CRP: variants seen among roughly 807,000 people sequenced by gnomAD.
CRP encodes C-reactive protein, pentraxin-related.
In CRP, 6 loss-of-function variants were observed where a neutral mutation model predicts 3.0. That is an observed-to-expected ratio of 2.02 (90% confidence interval 1.11 to 3.99). The LOEUF (loss-of-function observed/expected upper bound fraction) is 3.99, where lower values mean the gene tolerates loss of function less well. Among genes scored for constraint, CRP ranks in the 30% most tolerant of loss-of-function variants. The pLI is 0.00. For missense variants in CRP, 297 were observed against 271.0 expected (o/e 1.10, Z -0.67); for synonymous variants, 130 against 111.0 (o/e 1.17, Z -1.08).
Position 159,713,636 on chromosome 1 carries a change from C to A in CRP, c.564G>T (p.Glu188Asp). 2.5e-6 allele frequency: 4 copies of A among 1,614,222 alleles called. No homozygotes were observed. The highest frequency in any genetic ancestry group is 3.4e-6 in the Non-Finnish European group (4 of 1,180,046). The stretch of plus-strand genomic sequence containing the variant: ...GCCCGCCAAGATAGATGGTGTTAAT[C>A]TCATCTGGTGACAGCACAAAGTCCC... ...NMWDFVLSPD[E>D]INTIYLGGPF... The change falls in exon 2 of 2, where the codon GAG (glutamate) becomes GAT (aspartate). Residue 188 changes from glutamate to aspartate, a missense_variant. Coordinates refer to ENST00000255030, the MANE Select transcript of CRP (RefSeq NM_000567.3).
In CRP at chr1:159,713,381, G is replaced by T; in HGVS notation, c.*144C>A. On this transcript the variant is annotated 3_prime_UTR_variant, in exon 2 of 2. Transcript: ENST00000255030. ...GCGCTGAGGAGGGTGGAGCAGGCCTGCAATGCATATAGGGGAACAAAGGCC... is the reference window on the plus strand; with the variant it reads ...GCGCTGAGGAGGGTGGAGCAGGCCTTCAATGCATATAGGGGAACAAAGGCC... 1.9e-6 allele frequency: 2 copies of T among 1,065,642 alleles called. No individual in the cohort carries two copies. The highest frequency in any genetic ancestry group is 1.6e-5 in the African/African-American group (1 of 62,962). The allele number at this position is 1,065,642 out of a possible 1,614,324, so 66.0% of individuals were successfully genotyped here. A position where few individuals can be genotyped will look rare whatever the true frequency, so the allele number is the denominator to read the frequency against.
chr1:159,714,144 A>C lies in CRP; in HGVS notation c.62-6T>G. The C allele has an allele frequency of 6.2e-7, 1 of 1,602,766 alleles. No homozygotes were observed. Among genetic ancestry groups the C allele is most frequent in the Non-Finnish European group, 8.5e-7 (1 of 1,176,802 alleles). On this transcript the variant is annotated splice_polypyrimidine_tract_variant and splice_region_variant and intron_variant, in intron 1 of 1. Transcript: ENST00000255030. Reference sequence around the variant, plus strand: ...AAAAGCCTTCCTCGACATGTCTGTGAGCCAGAAAAACAAGCAAATGTGAGA... The same window carrying C: ...AAAAGCCTTCCTCGACATGTCTGTGCGCCAGAAAAACAAGCAAATGTGAGA...
chr1:159,713,798 C>G lies in CRP; in HGVS notation c.402G>C (p.Arg134Ser). ...IVEFWVDGKP[R>S]VRKSLKKGYT... Reference sequence around the variant, plus strand: ...ATCCCTTCTTCAGACTCTTCCTCACCCTGGGCTTCCCATCTACCCAGAACT... The same window carrying G: ...ATCCCTTCTTCAGACTCTTCCTCACGCTGGGCTTCCCATCTACCCAGAACT... Residue 134 changes from arginine to serine, a missense_variant, in exon 2 of 2, where the codon AGG becomes AGC. Physicochemically the swap from Arg to Ser is moderately radical, Grantham distance 110. Transcript: ENST00000255030. 6.2e-7 allele frequency: 1 copy of G among 1,614,114 alleles called. No homozygotes were observed.
intron 1 of CRP, 108 bp from the exon 2 acceptor site, chr1:159,714,246 C>G: frequency 7.8e-7 from 1 of 1,289,704 alleles, no homozygotes; most frequent in Non-Finnish European, 1.1e-6. Flanking sequence ...GACCCCTTCT[C>G]CAGTTACACA....
Position 159,713,880 on chromosome 1 carries a change from A to G in CRP, c.320T>C (p.Val107Ala). 1 of 1,614,156 alleles carries G rather than the reference A, an allele frequency of 6.2e-7. No homozygotes were observed. The highest frequency in any genetic ancestry group is 8.5e-7 in the Non-Finnish European group (1 of 1,180,040). The change falls in exon 2 of 2, where the codon GTC (valine) becomes GCC (alanine). Residue 107 changes from valine to alanine, a missense_variant. Coordinates refer to ENST00000255030, the MANE Select transcript of CRP (RefSeq NM_000567.3). ...GSEILFEVPE[V>A]TVAPVHICTS... The stretch of plus-strand genomic sequence containing the variant: ...ACAAATGTGTACTGGAGCTACTGTG[A>G]CTTCAGGAACCTCGAATAATATTTC...
rs373675212 is a variant in CRP at position 159,714,104 on chromosome 1, C to T, written c.96G>A (p.Glu32=). ...TGAGGGATACATAGGAAGTATCCGA[C>T]TCTTTGGGAAACACAAAAGCCTTCC... ...MSRKAFVFPK[E]SDTSYVSLKA... The change falls in exon 2 of 2, where the codon GAG becomes GAA. Residue 32 remains glutamate, a synonymous_variant. Transcript: ENST00000255030. The T allele has an allele frequency of 1.9e-6, 3 of 1,612,560 alleles. No individual in the cohort carries two copies. The African/African-American group carries it at 4.0e-5, about 22-fold the overall frequency.
rs1450992166 is a variant in CRP, at chr1:159,713,608, AG to A, written c.591del (p.Phe198SerfsTer6). ...CGCCAGTTCAGGACATTAGGACTGAAGGGCCCGCCAAGATAGATGGTGTTAA... is the reference window on the plus strand; with the variant it reads ...CGCCAGTTCAGGACATTAGGACTGAAGGCCCGCCAAGATAGATGGTGTTAA... ...DEINTIYLGG[P>X]FSPNVLNWRA... On this transcript the variant is annotated frameshift_variant, in exon 2 of 2. Transcript: ENST00000255030. LOFTEE classifies it low-confidence loss of function (END_TRUNC). The A allele has an allele frequency of 6.2e-7, 1 of 1,614,092 alleles. No homozygotes were observed. Among genetic ancestry groups the A allele is most frequent in the Non-Finnish European group, 8.5e-7 (1 of 1,180,046 alleles).
At chr1:159,714,183 A>G (rs1291794840) in intron 1 of CRP, 45 bp from the exon 2 acceptor site, 1 of 1,580,148 alleles carries the variant, frequency 6.3e-7, no homozygotes, top group Non-Finnish European at 8.6e-7. Context: ...TTCTCAGATC[A>G]CACAGATCTA....
Position 159,714,505 on chromosome 1 carries a change from T to C in CRP, c.-20A>G, listed in dbSNP as rs1660779978. 6.2e-7 allele frequency: 1 copy of C among 1,613,498 alleles called. No individual in the cohort carries two copies. Among genetic ancestry groups the C allele is most frequent in the Non-Finnish European group, 8.5e-7 (1 of 1,179,910 alleles). The stretch of plus-strand genomic sequence containing the variant: ...CTCCATGGTCACGTCCTGCTGCCAG[T>C]GATACAAGGGCCTGAATTCACTCCT... On this transcript the variant is annotated 5_prime_UTR_variant, in exon 1 of 2. Coordinates refer to ENST00000255030, the MANE Select transcript of CRP (RefSeq NM_000567.3).
rs1467350110 is a variant in CRP at position 159,713,035 on chromosome 1, A to T, written c.*490T>A. The T allele has an allele frequency of 1.3e-5, 2 of 157,462 alleles. No individual in the cohort carries two copies. The highest frequency in any genetic ancestry group is 2.8e-5 in the Non-Finnish European group (2 of 71,370). The allele number at this position is 157,462 out of a possible 1,614,324, so 9.8% of individuals were successfully genotyped here. ...TGAGCACTCTGGACCCAAACCAGAC[A>T]CCTGGCCAGTGTCCTGATTCTGAGA... is the stretch of plus-strand genomic sequence containing the variant. On this transcript the variant is annotated 3_prime_UTR_variant, in exon 2 of 2. Coordinates refer to ENST00000255030, the MANE Select transcript of CRP (RefSeq NM_000567.3).
chr1:159,713,778 TTCTTCAGAC>T lies in CRP; in HGVS notation c.413_421del (p.Ser138_Lys140del), dbSNP rs2101677147. ...TGCTTCTGCCCCCACAGTGTATCCCTTCTTCAGACTCTTCCTCACCCTGGGCTTCCCATC... is the reference window on the plus strand; with the variant it reads ...TGCTTCTGCCCCCACAGTGTATCCCTTCTTCCTCACCCTGGGCTTCCCATC... On this transcript the variant is annotated inframe_deletion, in exon 2 of 2. Transcript: ENST00000255030. 1.9e-6 allele frequency: 3 copies of T among 1,614,160 alleles called. No homozygotes were observed. The highest frequency in any genetic ancestry group is 2.5e-6 in the Non-Finnish European group (3 of 1,180,036).
Position 159,713,646 on chromosome 1 carries a change from GACA to G in CRP, c.551_553del (p.Leu184_Ser185delinsPro). 6.2e-7 allele frequency: 1 copy of G among 1,614,214 alleles called. No individual in the cohort carries two copies. Among genetic ancestry groups the G allele is most frequent in the Admixed American group, 1.7e-5 (1 of 60,028 alleles). The stretch of plus-strand genomic sequence containing the variant: ...ATAGATGGTGTTAATCTCATCTGGT[GACA>G]GCACAAAGTCCCACATGTTCACATT... On this transcript the variant is annotated inframe_deletion, in exon 2 of 2. Transcript: ENST00000255030.
At position 159,714,040 on chromosome 1, in the gene CRP, A is replaced by T; in HGVS notation, c.160T>A (p.Cys54Ser). ...LTKPLKAFTVCLHFYTELSST... is the reference protein window; with the variant it reads ...LTKPLKAFTVSLHFYTELSST... Reference sequence around the variant, plus strand: ...GACAGTTCCGTGTAGAAGTGGAGGCACACAGTGAAGGCTTTGAGAGGCTTC... The same window carrying T: ...GACAGTTCCGTGTAGAAGTGGAGGCTCACAGTGAAGGCTTTGAGAGGCTTC... The change falls in exon 2 of 2, where the codon TGC becomes AGC. Residue 54 changes from cysteine to serine, a missense_variant. Cys to Ser is a moderately radical substitution (Grantham distance 112, BLOSUM62 -1). Coordinates refer to ENST00000255030, the MANE Select transcript of CRP (RefSeq NM_000567.3). 6.2e-7 allele frequency: 1 copy of T among 1,613,678 alleles called. No individual in the cohort carries two copies. Among genetic ancestry groups the T allele is most frequent in the Non-Finnish European group, 8.5e-7 (1 of 1,180,008 alleles).
Position 159,713,524 on chromosome 1 carries a change from C to G in CRP, c.*1G>C. The stretch of plus-strand genomic sequence containing the variant: ...GTACCTTCAGGACCCACAGCTGGGC[C>G]TCAGGGCCACAGCTGGGGTTTGGTG... On this transcript the variant is annotated 3_prime_UTR_variant, in exon 2 of 2. Coordinates refer to ENST00000255030, the MANE Select transcript of CRP (RefSeq NM_000567.3). The G allele has an allele frequency of 6.2e-7, 1 of 1,606,712 alleles. No individual in the cohort carries two copies. Among genetic ancestry groups the G allele is most frequent in the Non-Finnish European group, 8.5e-7 (1 of 1,176,060 alleles).
Position 159,714,075 on chromosome 1 carries a change from G to T in CRP, c.125C>A (p.Ala42Glu), listed in dbSNP as rs765949437. 1.1e-5 allele frequency: 17 copies of T among 1,613,302 alleles called. No homozygotes were observed. Among genetic ancestry groups the T allele is most frequent in the African/African-American group, 1.3e-5 (1 of 74,872 alleles). The change falls in exon 2 of 2, where the codon GCA becomes GAA. Residue 42 changes from alanine to glutamate, a missense_variant. By Grantham distance (107) the Ala-to-Glu change is moderately radical. Coordinates refer to ENST00000255030, the MANE Select transcript of CRP (RefSeq NM_000567.3). ...GGCTTTGAGAGGCTTCGTTAACGGTGCTTTGAGGGATACATAGGAAGTATC... is the reference window on the plus strand; with the variant it reads ...GGCTTTGAGAGGCTTCGTTAACGGTTCTTTGAGGGATACATAGGAAGTATC... ...ESDTSYVSLKAPLTKPLKAFT... is the reference protein window; with the variant it reads ...ESDTSYVSLKEPLTKPLKAFT...
At chr1:159,714,165 TGA>T in intron 1 of CRP, 27 bp from the exon 2 acceptor site, 1 of 1,594,068 alleles carries the variant, frequency 6.3e-7, no homozygotes, top group South Asian at 1.1e-5. Context: ...CAAGCAAATG[TGA>T]GAGGTTTCTC....
Position 159,713,467 on chromosome 1 carries a change from C to G in CRP, c.*58G>C. 6.5e-7 allele frequency: 1 copy of G among 1,542,256 alleles called. No homozygotes were observed. Among genetic ancestry groups the G allele is most frequent in the South Asian group, 1.3e-5 (1 of 78,122 alleles). ...AAGCGGGAGGTACCAGAGACAGAGA[C>G]GTGGGGCCCATGCGGTGTAAAAAAC... On this transcript the variant is annotated 3_prime_UTR_variant, in exon 2 of 2. Transcript: ENST00000255030.
In CRP at chr1:159,712,443, C is replaced by T. The variant is rs1205; in HGVS notation, c.*1082G>A. Reference sequence around the variant, plus strand: ...ACTTCCAGTTTGGCTTCTGTCCTCACAGTCTCTCTCCATGTGGCAAACAAG... The same window carrying T: ...ACTTCCAGTTTGGCTTCTGTCCTCATAGTCTCTCTCCATGTGGCAAACAAG... On this transcript the variant is annotated 3_prime_UTR_variant, in exon 2 of 2. Transcript: ENST00000255030. The T allele has an allele frequency of 0.31, 47,368 of 152,742 alleles. 7,941 individuals carry two copies. Among genetic ancestry groups the T allele is most frequent in the East Asian group, 0.58 (3,039 of 5,228 alleles). 9.5% of individuals were successfully genotyped at this position (152,742 alleles called of 1,614,324 possible).
In CRP at chr1:159,713,277, C is replaced by A; in HGVS notation, c.*248G>T. 2.2e-6 allele frequency: 1 copy of A among 446,970 alleles called. No individual in the cohort carries two copies. Among genetic ancestry groups the A allele is most frequent in the Non-Finnish European group, 3.9e-6 (1 of 255,306 alleles). The allele number at this position is 446,970 out of a possible 1,614,324, so 27.7% of individuals were successfully genotyped here. On this transcript the variant is annotated 3_prime_UTR_variant, in exon 2 of 2. Coordinates refer to ENST00000255030, the MANE Select transcript of CRP (RefSeq NM_000567.3). The stretch of plus-strand genomic sequence containing the variant: ...TGAAATAAAAATGAAAACAAAACAC[C>A]TCAAATTCTGATTCTTTTGGACCGT...
Sources: allele counts gnomAD v4.1 joint callset, GRCh38; gene constraint gnomAD v4.1.1; transcripts MANE v1.5; gene names NCBI Gene and HGNC (gene_info 2026-07-23, HGNC 2026-07-21).